STXBP5L: variants seen among roughly 807,000 people sequenced by gnomAD.
The protein encoded by STXBP5L is syntaxin-binding protein 5-like.
In STXBP5L, 65 loss-of-function variants were observed where a neutral mutation model predicts 144.5. That is an observed-to-expected ratio of 0.45 (90% CI 0.37 to 0.55). The LOEUF (loss-of-function observed/expected upper bound fraction) is 0.55. Ranked by LOEUF, STXBP5L falls within the 20% of genes least tolerant of loss-of-function variation. The pLI, the probability that STXBP5L is intolerant of heterozygous loss-of-function variation, is 0.00. For synonymous variants in STXBP5L, 505 were observed against 469.6 expected (o/e 1.08, Z -0.97); for missense variants, 1,298 against 1,405.5 (o/e 0.92, Z 1.22).
chr3:121,388,495 T>A (rs2108698115), intron 22 of STXBP5L, among the ~76,000 whole-genome samples: 1 of 152,210 alleles, frequency 6.6e-6, no homozygotes, highest in Non-Finnish European at 1.5e-5. Context: ...ATGCTTCCAG[T>A]TTTTGCCCAG....
rs1262791698 is a variant in STXBP5L, at chr3:120,998,994, ATTGT to A, written c.288-42703_288-42700del. 9.2e-5 allele frequency among the ~76,000 whole-genome samples: 14 copies of A among 152,230 alleles called. No individual in the cohort carries two copies. The South Asian group carries it at 2.9e-3, about 32-fold the overall frequency. On this transcript the variant is annotated intron_variant, in intron 3 of 26. Transcript: ENST00000471454. Reference sequence around the variant, plus strand: ...TTACTCAAAAATCATTGAGGAGTAGATTGTTTAATTTTCATATAATTGTATGTTT... The same window carrying A: ...TTACTCAAAAATCATTGAGGAGTAGATTAATTTTCATATAATTGTATGTTT...
chr3:121,233,255 G>A (rs1372320068), intron 11 of STXBP5L, among the ~76,000 whole-genome samples: 1 of 152,106 alleles, frequency 6.6e-6, no homozygotes, highest in Non-Finnish European at 1.5e-5. Context: ...ACATCTCCTT[G>A]TAGGCATAAA....
chr3:121,050,191 G>A (rs1035917952), intron 5 of STXBP5L, among the ~76,000 whole-genome samples: 1 of 152,016 alleles, frequency 6.6e-6, no homozygotes, highest in Non-Finnish European at 1.5e-5. Context: ...CCATGAGAGT[G>A]GTGCTTATTA....
intron 3 of STXBP5L, among the ~76,000 whole-genome samples, chr3:120,990,589 G>T (rs1294066164): frequency 6.6e-6 from 1 of 151,894 alleles, no homozygotes; most frequent in African/African-American, 2.4e-5. Flanking sequence ...AAAACAGCAT[G>T]GTACTGGTAC....
chr3:120,939,208 C>G (rs893883625), intron 2 of STXBP5L, among the ~76,000 whole-genome samples: 1 of 151,998 alleles, frequency 6.6e-6, no homozygotes, highest in Non-Finnish European at 1.5e-5. Flanking sequence ...GTGTCTAGTA[C>G]GTAGTAAACA....
intron 8 of STXBP5L, among the ~76,000 whole-genome samples, chr3:121,153,733 T>C (rs970249770): frequency 1.3e-5 from 2 of 151,822 alleles, no homozygotes; most frequent in African/African-American, 4.8e-5. Flanking sequence ...TGTTTAGAAA[T>C]AAAATAAAAT....
At chr3:121,051,375 T>C (rs1442903264) in intron 5 of STXBP5L, among the ~76,000 whole-genome samples, 2 of 152,112 alleles carry the variant, frequency 1.3e-5, no homozygotes, top group African/African-American at 4.8e-5. Context: ...ACAGAAATTA[T>C]AACAAACTGT....
At chr3:120,916,766 A>G (rs1187358577) in intron 2 of STXBP5L, among the ~76,000 whole-genome samples, 1 of 152,178 alleles carries the variant, frequency 6.6e-6, no homozygotes, top group East Asian at 1.9e-4. Context: ...TTGAGAGAAA[A>G]TTGTTATACT....
At chr3:121,182,672 G>T (rs1308525112) in intron 9 of STXBP5L, among the ~76,000 whole-genome samples, 3 of 152,038 alleles carry the variant, frequency 2.0e-5, no homozygotes, top group Admixed American at 1.3e-4. Context: ...AAATGAAATT[G>T]AAACAAAAAA....
At chr3:121,197,597 A>G (rs1027434928) in intron 9 of STXBP5L, among the ~76,000 whole-genome samples, 6 of 152,042 alleles carry the variant, frequency 3.9e-5, no homozygotes, top group African/African-American at 1.2e-4. Flanking sequence ...TCAACCCATC[A>G]TCTAGGTTTT....
At chr3:120,979,869 C>T (rs930362512) in intron 3 of STXBP5L, among the ~76,000 whole-genome samples, 52 of 152,138 alleles carry the variant, frequency 3.4e-4, no homozygotes, top group African/African-American at 1.2e-3. Flanking sequence ...ACACTATAAG[C>T]TTCCCTCTTA....
chr3:121,312,523 G>A (rs1275561567), intron 19 of STXBP5L, among the ~76,000 whole-genome samples: 1 of 135,116 alleles, frequency 7.4e-6, no homozygotes, highest in African/African-American at 2.9e-5. Flanking sequence ...ATTTGGCAGG[G>A]TCATAGGACA....
At chr3:121,356,694 C>A (rs890980389) in intron 20 of STXBP5L, among the ~76,000 whole-genome samples, 2 of 152,220 alleles carry the variant, frequency 1.3e-5, no homozygotes, top group Admixed American at 1.3e-4. Context: ...CCATGGGCTG[C>A]ACCCACTGTC....
At chr3:121,031,286 G>C (rs748573412) in intron 3 of STXBP5L, among the ~76,000 whole-genome samples, 3 of 151,868 alleles carry the variant, frequency 2.0e-5, no homozygotes, top group Admixed American at 2.0e-4. Flanking sequence ...ACAACAATAG[G>C]ATGTTTATGT....
intron 19 of STXBP5L, among the ~76,000 whole-genome samples, chr3:121,301,169 C>T (rs1314711479): frequency 6.6e-6 from 1 of 152,148 alleles, no homozygotes; most frequent in South Asian, 2.1e-4. Flanking sequence ...TTGATTCTTC[C>T]TACCCATGAG....
intron 19 of STXBP5L, among the ~76,000 whole-genome samples, chr3:121,301,112 C>T (rs1368632628): frequency 6.6e-6 from 1 of 152,114 alleles, no homozygotes; most frequent in Non-Finnish European, 1.5e-5. Flanking sequence ...ATGGGGATGG[C>T]ATTGAATCTA....
At chr3:120,936,611 C>T (rs1193351552) in intron 2 of STXBP5L, among the ~76,000 whole-genome samples, 1 of 151,648 alleles carries the variant, frequency 6.6e-6, no homozygotes, top group Non-Finnish European at 1.5e-5. Context: ...AAGTCTGATA[C>T]ATGCAGGTTT....
chr3:121,030,521 G>T (rs1281016095), intron 3 of STXBP5L, among the ~76,000 whole-genome samples: 1 of 152,066 alleles, frequency 6.6e-6, no homozygotes, highest in African/African-American at 2.4e-5. Context: ...ACACACCGGG[G>T]CATGTTGCGG....
intron 5 of STXBP5L, among the ~76,000 whole-genome samples, chr3:121,092,211 T>C (rs1393307117): frequency 1.3e-5 from 2 of 152,086 alleles, no homozygotes; most frequent in African/African-American, 4.8e-5. Context: ...GCATGATGCC[T>C]CCAGCTTTGT....
Sources: gnomAD v4.1 joint callset for allele counts (sites outside exome capture counted in the v4.1 genomes callset) on GRCh38, gnomAD v4.1.1 for gene constraint, MANE v1.5 for transcripts, NCBI Gene and HGNC (gene_info 2026-07-23, HGNC 2026-07-21) for gene names.